The following SLC1A2 variants were observed in gnomAD, a reference collection of about 807,000 sequenced individuals.
SLC1A2 encodes the protein solute carrier family 1 member 2, also known as excitatory amino acid transporter 2.
SLC1A2 carries 15 observed loss-of-function variants against 48.8 expected under a neutral mutation model. The observed-to-expected ratio is 0.31, with a 90% CI of 0.21 to 0.47. The LOEUF (loss-of-function observed/expected upper bound fraction) is 0.47, where lower values mean the gene tolerates loss of function less well. Among genes scored for constraint, SLC1A2 ranks in the 20% least tolerant of loss-of-function variants. The pLI is 0.99. For missense variants in SLC1A2, 502 were observed against 730.5 expected (o/e 0.69, Z 3.61); for synonymous variants, 279 against 272.6 (o/e 1.02, Z -0.23).
intron 1 of SLC1A2, among the ~76,000 whole-genome samples, chr11:35,325,744 C>A (rs1220481656): frequency 6.6e-6 from 1 of 152,014 alleles, no homozygotes; most frequent in African/African-American, 2.4e-5. Flanking sequence ...GGGTAGATTG[C>A]CTGAGGTCAG....
At position 35,306,201 on chromosome 11, in the gene SLC1A2, C is replaced by T. The variant is rs752949; in HGVS notation, c.603G>A (p.Pro201=). 0.24 allele frequency: 386,989 copies of T among 1,613,208 alleles called. 48,375 individuals are homozygous for T. The highest frequency in any genetic ancestry group is 0.29 in the Admixed American group (17,346 of 59,940). ...VTKKVLVAPP[P]DEEANATSAV... Reference sequence around the variant, plus strand: ...CGCTGGTTGCGTTGGCCTCCTCGTCCGGCGGTGGTGCAACCAGGACTTTCT... The same window carrying T: ...CGCTGGTTGCGTTGGCCTCCTCGTCTGGCGGTGGTGCAACCAGGACTTTCT... Residue 201 remains proline, a synonymous_variant, in exon 5 of 11, where the codon CCG becomes CCA. Coordinates refer to ENST00000278379, the MANE Select transcript of SLC1A2 (RefSeq NM_004171.4).
At chr11:35,314,577 A>C (rs1330510775) in intron 3 of SLC1A2, among the ~76,000 whole-genome samples, 1 of 151,792 alleles carries the variant, frequency 6.6e-6, no homozygotes, top group Admixed American at 6.6e-5. Flanking sequence ...GCCAGGCATG[A>C]TGGCACATGC....
intron 1 of SLC1A2, among the ~76,000 whole-genome samples, chr11:35,394,668 C>T (rs754126708): frequency 6.6e-6 from 1 of 152,152 alleles, no homozygotes; most frequent in Non-Finnish European, 1.5e-5. Flanking sequence ...GGATGGAACC[C>T]CAGGTAAGCA....
intron 8 of SLC1A2, among the ~76,000 whole-genome samples, chr11:35,281,639 G>C (rs116261877): frequency 0.011 from 1,681 of 152,106 alleles, 34 homozygotes; most frequent in African/African-American, 0.038. Context: ...AGAAAGGAAG[G>C]CTTTCTTTCT....
At chr11:35,389,533 T>C (rs1473287170) in intron 1 of SLC1A2, among the ~76,000 whole-genome samples, 2 of 152,032 alleles carry the variant, frequency 1.3e-5, no homozygotes, top group Non-Finnish European at 2.9e-5. Context: ...TGCAATGGCA[T>C]GATCGTGGCT....
chr11:35,254,509 A>G lies in SLC1A2; in HGVS notation c.*6385T>C, dbSNP rs1480566279. The G allele has an allele frequency of 3.7e-6, 1 of 271,128 alleles. No individual in the cohort carries two copies. Among genetic ancestry groups the G allele is most frequent in the Non-Finnish European group, 7.3e-6 (1 of 137,518 alleles). The allele number at this position is 271,128 out of a possible 1,614,324, so 16.8% of individuals were successfully genotyped here. A position where few individuals can be genotyped will look rare whatever the true frequency, so the allele number is the denominator to read the frequency against. On this transcript the variant is annotated 3_prime_UTR_variant, in exon 11 of 11. Coordinates refer to ENST00000278379, the MANE Select transcript of SLC1A2 (RefSeq NM_004171.4). The stretch of plus-strand genomic sequence containing the variant: ...ATGTGCTGGACCAACTTCCTTGGCT[A>G]GTGTGTGTATTTGCCCCCTAGCAAA...
At chr11:35,281,058 C>T (rs1850617498) in intron 8 of SLC1A2, 57 bp from the exon 9 acceptor site, 3 of 1,478,908 alleles carry the variant, frequency 2.0e-6, no homozygotes, top group East Asian at 2.6e-5. Flanking sequence ...GCAAAACCAA[C>T]CCTGGCAATT....
chr11:35,420,014 G>C (rs1221098478), upstream of SLC1A2: 5 of 441,262 alleles, frequency 1.1e-5, no homozygotes, highest in East Asian at 2.2e-4. Flanking sequence ...GCCTAAACGC[G>C]GCCCAGCTGC....
intron 1 of SLC1A2, among the ~76,000 whole-genome samples, chr11:35,381,713 T>C (rs912454950): frequency 2.6e-5 from 4 of 152,232 alleles, no homozygotes; most frequent in Admixed American, 1.3e-4. Context: ...AAACTGCTCT[T>C]GTTTGCCTCA....
intron 1 of SLC1A2, among the ~76,000 whole-genome samples, chr11:35,328,076 G>A (rs549722787): frequency 6.6e-6 from 1 of 152,300 alleles, no homozygotes; most frequent in Non-Finnish European, 1.5e-5. Flanking sequence ...GAGCTCTGGG[G>A]AGCTATGGCC....
chr11:35,359,363 T>TA lies in SLC1A2; in HGVS notation c.18-41848dup, dbSNP rs1273521290. ...CCAATCATGGATGATGATTTTGATT[T>TA]AAAAAAATACAGCTTTTCCAAGTCA... On this transcript the variant is annotated intron_variant, in intron 1 of 10. Coordinates refer to ENST00000278379, the MANE Select transcript of SLC1A2 (RefSeq NM_004171.4). Among the ~76,000 whole-genome samples, 4 of 152,176 alleles carry TA rather than the reference T, an allele frequency of 2.6e-5. No homozygotes were observed. In the South Asian group the frequency reaches 8.3e-4, roughly 32 times the overall value.
chr11:35,401,446 C>A (rs1346905663), intron 1 of SLC1A2, among the ~76,000 whole-genome samples: 3 of 152,086 alleles, frequency 2.0e-5, no homozygotes, highest in Non-Finnish European at 4.4e-5. Flanking sequence ...GTCTTAAGGT[C>A]TCTTTTAATG....
intron 1 of SLC1A2, among the ~76,000 whole-genome samples, chr11:35,372,408 A>G (rs1402326431): frequency 6.6e-6 from 1 of 152,092 alleles, no homozygotes; most frequent in Non-Finnish European, 1.5e-5. Context: ...CCACATGACA[A>G]CTCCCAAAGC....
At chr11:35,393,487 G>A in intron 1 of SLC1A2, among the ~76,000 whole-genome samples, 1 of 152,168 alleles carries the variant, frequency 6.6e-6, no homozygotes, top group East Asian at 1.9e-4. Context: ...GATGGCTGCA[G>A]GTGACCCATA....
chr11:35,374,540 C>T (rs549404880), intron 1 of SLC1A2: 117 of 218,694 alleles, frequency 5.3e-4, no homozygotes, highest in African/African-American at 2.7e-3. Context: ...TCTTGGGCCA[C>T]ACATAAAATA....
intron 1 of SLC1A2, among the ~76,000 whole-genome samples, chr11:35,413,054 C>CA (rs913926688): frequency 3.3e-5 from 5 of 152,110 alleles, no homozygotes; most frequent in Admixed American, 3.3e-4. Flanking sequence ...TCTTCAAATC[C>CA]AAAACCACTA....
Position 35,256,434 on chromosome 11 carries a change from T to C in SLC1A2, c.*4460A>G, listed in dbSNP as rs1320622520. The C allele has an allele frequency of 3.9e-5, 6 of 152,504 alleles. No homozygotes were observed. Among genetic ancestry groups the C allele is most frequent in the East Asian group, 1.9e-4 (1 of 5,196 alleles). 9.4% of individuals were successfully genotyped at this position (152,504 alleles called of 1,614,324 possible). A position where few individuals can be genotyped will look rare whatever the true frequency, so the allele number is the denominator to read the frequency against. ...TTAGGGAAAATCATAAGAAAATGTG[T>C]CATGAGCAGCTGGAAACTCACTCTA... On this transcript the variant is annotated 3_prime_UTR_variant, in exon 11 of 11. Coordinates refer to ENST00000278379, the MANE Select transcript of SLC1A2 (RefSeq NM_004171.4).
intron 1 of SLC1A2, among the ~76,000 whole-genome samples, chr11:35,386,079 T>C (rs1218017966): frequency 1.3e-5 from 2 of 152,070 alleles, no homozygotes; most frequent in African/African-American, 2.4e-5. Context: ...GGCAGGAGAA[T>C]GGGGTGAACC....
At chr11:35,287,278 T>C (rs1850852757) in intron 7 of SLC1A2, among the ~76,000 whole-genome samples, 2 of 145,358 alleles carry the variant, frequency 1.4e-5, no homozygotes, top group South Asian at 2.1e-4. Flanking sequence ...CCCATATTAA[T>C]TGGGTTGCAA....
Sources: allele counts gnomAD v4.1 joint callset (sites outside exome capture counted in the v4.1 genomes callset), GRCh38; gene constraint gnomAD v4.1.1; transcripts MANE v1.5; gene names NCBI Gene and HGNC (gene_info 2026-07-23, HGNC 2026-07-21).